Variants in ENTPD5 observed in about 807,000 individuals in gnomAD.
ENTPD5 encodes the protein ectonucleoside triphosphate diphosphohydrolase 5 (inactive).
Under a neutral mutation model 60.2 loss-of-function variants are expected in ENTPD5, and 49 were observed. That is an observed-to-expected ratio of 0.81 (90% confidence interval 0.65 to 1.03). ENTPD5 has a LOEUF of 1.03. Among genes scored for constraint, ENTPD5 ranks in the 50% least tolerant of loss-of-function variants. ENTPD5 has a pLI of 0.00. For synonymous variants in ENTPD5, 187 were observed against 185.4 expected, an observed-to-expected ratio of 1.01 and a Z score of -0.07; for missense variants, 480 against 507.6, an observed-to-expected ratio of 0.95 and a Z score of 0.52.
rs186960524 is a variant in ENTPD5, at chr14:73,979,288, T to A, written c.442-1914A>T. 1.2e-3 allele frequency among the ~76,000 whole-genome samples: 178 copies of A among 152,248 alleles called. 1 individual carries two copies. The highest frequency in any genetic ancestry group is 5.9e-3 in the Admixed American group (90 of 15,288). Reference sequence around the variant, plus strand: ...TTCCCTACCTGCCTTTCCCTGCTTTTTTTTTTTCCCTCCATAGCACCTGCA... The same window carrying A: ...TTCCCTACCTGCCTTTCCCTGCTTTATTTTTTTCCCTCCATAGCACCTGCA... On this transcript the variant is annotated intron_variant, in intron 6 of 15. Transcript: ENST00000334696.
At chr14:73,991,066 TGAATG>T (rs1473936548) in intron 3 of ENTPD5, among the ~76,000 whole-genome samples, 1 of 152,166 alleles carries the variant, frequency 6.6e-6, no homozygotes, top group East Asian at 1.9e-4. Context: ...TTGGTAGTGT[TGAATG>T]GAATAATGGC....
chr14:73,960,415 A>G (rs1428178337), downstream of ENTPD5: 1 of 988,186 alleles, frequency 1.0e-6, no homozygotes, highest in Non-Finnish European at 1.2e-6. Context: ...TTGGAGCCTA[A>G]ATGACACTCA....
chr14:74,007,286 T>C (rs555380904), intron 3 of ENTPD5, among the ~76,000 whole-genome samples: 14 of 151,852 alleles, frequency 9.2e-5, no homozygotes, highest in East Asian at 7.8e-4. Context: ...CTTTGGGAGG[T>C]CAAGGAGGGC....
chr14:73,999,291 C>G (rs946312462), intron 3 of ENTPD5, among the ~76,000 whole-genome samples: 1 of 148,500 alleles, frequency 6.7e-6, no homozygotes, highest in African/African-American at 2.5e-5. Flanking sequence ...AGTTCGTGAC[C>G]AGCCTGGCCA....
At position 73,983,265 on chromosome 14, in the gene ENTPD5, A is replaced by C; in HGVS notation, c.298-104T>G. On this transcript the variant is annotated intron_variant, in intron 5 of 15. Coordinates refer to ENST00000334696, the MANE Select transcript of ENTPD5 (RefSeq NM_001249.5). ...GTGGGAGCAAGAAGAGGGAGGTGGC[A>C]TAGGGCTCCAACCTCTCTCTGCTCT... 2 of 1,229,448 alleles carry C rather than the reference A, an allele frequency of 1.6e-6. 1 individual carries two copies. Among genetic ancestry groups the C allele is most frequent in the Non-Finnish European group, 2.2e-6 (2 of 897,268 alleles). 76.2% of individuals were successfully genotyped at this position (1,229,448 alleles called of 1,614,324 possible).
intron 14 of ENTPD5, among the ~76,000 whole-genome samples, chr14:73,971,524 T>G (rs2057225115): frequency 6.6e-6 from 1 of 152,108 alleles, no homozygotes; most frequent in African/African-American, 2.4e-5. Flanking sequence ...GAAAAAAAAT[T>G]TATTTTTTTA....
At chr14:73,985,688 G>C (rs1210384387) in intron 5 of ENTPD5, among the ~76,000 whole-genome samples, 1 of 152,022 alleles carries the variant, frequency 6.6e-6, no homozygotes, top group Non-Finnish European at 1.5e-5. Flanking sequence ...CCGTTCTGTA[G>C]GTTGCCTGTT....
chr14:73,959,488 A>G (rs1251043454), downstream of ENTPD5: 3 of 1,614,072 alleles, frequency 1.9e-6, no homozygotes, highest in African/African-American at 2.7e-5. Context: ...AGCATGGATG[A>G]GGAAAAATTT....
intron 1 of ENTPD5, chr14:74,018,917 C>G (rs2059159763): frequency 6.5e-6 from 1 of 152,984 alleles, no homozygotes; most frequent in South Asian, 2.1e-4. Context: ...AGATGCAACC[C>G]AAAGGAGTAA....
At chr14:73,955,949 CT>C, downstream of ENTPD5, 1 of 1,613,796 alleles carries the variant, frequency 6.2e-7, no homozygotes, top group Non-Finnish European at 8.5e-7. Context: ...CATCTTCCAC[CT>C]TGCATTCATT....
At chr14:73,989,171 A>G (rs935438847) in intron 3 of ENTPD5, among the ~76,000 whole-genome samples, 3 of 152,076 alleles carry the variant, frequency 2.0e-5, no homozygotes, top group Admixed American at 6.6e-5. Flanking sequence ...GCTCCAGCCT[A>G]TAATTCCAGC....
intron 6 of ENTPD5, among the ~76,000 whole-genome samples, chr14:73,981,883 G>C (rs1280048483): frequency 1.3e-5 from 2 of 150,788 alleles, no homozygotes; most frequent in African/African-American, 4.9e-5. Context: ...AAAAAAGCCA[G>C]ATATACAAAA....
chr14:73,975,017 TG>T, intron 10 of ENTPD5, 32 bp from the exon 11 acceptor site: 1 of 1,553,986 alleles, frequency 6.4e-7, no homozygotes, highest in South Asian at 1.1e-5. Context: ...AATTTCATGC[TG>T]GTCCTGAAGT....
At chr14:73,958,392 T>G, downstream of ENTPD5, 4 of 1,558,290 alleles carry the variant, frequency 2.6e-6, no homozygotes, top group Non-Finnish European at 3.5e-6. Flanking sequence ...AAACTTTTGG[T>G]TATGAGGACC....
rs1244290859 is a variant in ENTPD5, at chr14:73,963,840, A to G, written c.*3088T>C. ...GCCCAGAAGTCTGATTTGAGATGAA[A>G]TGAAGAGAAACAGTCTGCTTTTGAA... On this transcript the variant is annotated 3_prime_UTR_variant, in exon 16 of 16. Transcript: ENST00000334696. 1 of 152,252 alleles carries G rather than the reference A, an allele frequency of 6.6e-6. No individual in the cohort carries two copies. Among genetic ancestry groups the G allele is most frequent in the African/African-American group, 2.4e-5 (1 of 41,464 alleles). 9.4% of individuals were successfully genotyped at this position (152,252 alleles called of 1,614,324 possible). A position where few individuals can be genotyped will look rare whatever the true frequency, so the allele number is the denominator to read the frequency against.
At chr14:73,955,646 G>A, downstream of ENTPD5, 9 of 1,360,474 alleles carry the variant, frequency 6.6e-6, no homozygotes, top group Non-Finnish European at 9.5e-6. Flanking sequence ...GTGGGGAGAA[G>A]CATTCCCAGG....
chr14:73,995,875 C>T (rs1019118096), intron 3 of ENTPD5, among the ~76,000 whole-genome samples: 12 of 152,064 alleles, frequency 7.9e-5, no homozygotes, highest in African/African-American at 2.9e-4. Context: ...TTATTCACCC[C>T]CCAACAAAGC....
intron 3 of ENTPD5, among the ~76,000 whole-genome samples, chr14:73,989,299 T>C (rs2058034875): frequency 6.6e-6 from 1 of 151,480 alleles, no homozygotes; most frequent in Non-Finnish European, 1.5e-5. Context: ...CAGTGGCTCA[T>C]GCCTCTAATC....
intron 3 of ENTPD5, among the ~76,000 whole-genome samples, chr14:74,002,077 T>C (rs992774103): frequency 6.6e-6 from 1 of 152,182 alleles, no homozygotes; most frequent in Non-Finnish European, 1.5e-5. Context: ...GTATTCTACA[T>C]AGATTAGCTC....
Sources: allele counts gnomAD v4.1 joint callset (sites outside exome capture counted in the v4.1 genomes callset), GRCh38; gene constraint gnomAD v4.1.1; transcripts MANE v1.5; gene names NCBI Gene and HGNC (gene_info 2026-07-23, HGNC 2026-07-21).